Variants in TMEM131L observed in about 807,000 individuals in gnomAD.
The protein encoded by TMEM131L is transmembrane 131 like.
TMEM131L carries 54 observed loss-of-function variants against 192.2 expected under a neutral mutation model. The ratio of observed to expected loss-of-function variants is 0.28; its 90% CI spans 0.23 to 0.35. The LOEUF is 0.35. Among genes scored for constraint, TMEM131L ranks in the 10% least tolerant of loss-of-function variants. The pLI, the probability that TMEM131L is intolerant of heterozygous loss-of-function variation, is 1.00. For missense variants in TMEM131L, 1,888 were observed against 1,972.9 expected (o/e 0.96, Z 0.82); for synonymous variants, 701 against 704.9 (o/e 0.99, Z 0.09).
intron 6 of TMEM131L, among the ~76,000 whole-genome samples, 195 bp downstream of exon 6, chr4:153,557,277 A>G (rs1728534876): frequency 6.6e-6 from 1 of 152,188 alleles, no homozygotes; most frequent in South Asian, 2.1e-4. Flanking sequence ...TGGCTTTCCT[A>G]CTGATGACGG....
At chr4:153,545,842 A>G in intron 3 of TMEM131L, among the ~76,000 whole-genome samples, 1 of 152,136 alleles carries the variant, frequency 6.6e-6, no homozygotes. Context: ...GAGCTCAGAC[A>G]CTGCAGATGG....
chr4:153,480,676 TAAAAAAATTAAA>T (rs1164054759), intron 3 of TMEM131L, among the ~76,000 whole-genome samples: 1 of 152,168 alleles, frequency 6.6e-6, no homozygotes, highest in Non-Finnish European at 1.5e-5. Context: ...CTGTTGGCTT[TAAAAAAATTAAA>T]AGAAAAATTT....
chr4:153,471,577 T>C (rs905678864), intron 2 of TMEM131L, among the ~76,000 whole-genome samples: 3 of 152,222 alleles, frequency 2.0e-5, no homozygotes, highest in Non-Finnish European at 4.4e-5. Flanking sequence ...AAATCAGTTC[T>C]AGCTGCAAGA....
chr4:153,477,986 C>T (rs1371574636), intron 3 of TMEM131L, among the ~76,000 whole-genome samples: 1 of 152,170 alleles, frequency 6.6e-6, no homozygotes, highest in East Asian at 1.9e-4. Context: ...CCTATCCCTG[C>T]CTGGATTCAT....
chr4:153,486,221 G>C (rs1333643297), intron 3 of TMEM131L, among the ~76,000 whole-genome samples: 1 of 152,154 alleles, frequency 6.6e-6, no homozygotes, highest in East Asian at 1.9e-4. Context: ...TTTACTGTAT[G>C]CTAGATAACT....
chr4:153,602,465 A>G, intron 22 of TMEM131L, 77 bp from the exon 23 acceptor site: 1 of 1,524,112 alleles, frequency 6.6e-7, no homozygotes. Context: ...TAGGAGTATG[A>G]TGTGTTGTCA....
intron 3 of TMEM131L, among the ~76,000 whole-genome samples, chr4:153,477,891 A>G (rs1213445372): frequency 6.6e-6 from 1 of 152,328 alleles, no homozygotes; most frequent in East Asian, 1.9e-4. Context: ...TCAGAGTTGT[A>G]TAACTGTTAC....
rs188769697 is a variant in TMEM131L at position 153,535,821 on chromosome 4, A to G, written c.240-14252A>G. Among the ~76,000 whole-genome samples, 436 of 152,122 alleles carry G rather than the reference A, an allele frequency of 2.9e-3. 4 individuals carry two copies. The highest frequency in any genetic ancestry group is 1.0e-2 in the African/African-American group (413 of 41,494). On this transcript the variant is annotated intron_variant, in intron 3 of 34. Transcript: ENST00000409959. ...CTAACGTTGCTGTTAATATTTTGGT[A>G]TTTGCCTTCTCATTTTCCTTTGTAT...
intron 33 of TMEM131L, 60 bp from the exon 34 acceptor site, chr4:153,635,372 T>C: frequency 1.3e-6 from 2 of 1,550,156 alleles, no homozygotes; most frequent in East Asian, 2.3e-5. Context: ...TGCCTGAGAG[T>C]GAGAATTCAG....
intron 3 of TMEM131L, among the ~76,000 whole-genome samples, chr4:153,509,879 C>T (rs976211762): frequency 3.9e-5 from 6 of 152,130 alleles, no homozygotes; most frequent in African/African-American, 1.2e-4. Context: ...AGTTGGAAAT[C>T]GCTGCGTCGG....
Position 153,557,073 on chromosome 4 carries a change from T to G in TMEM131L, c.540T>G (p.Leu180=), listed in dbSNP as rs777461528. Reference sequence around the variant, plus strand: ...TTAATACCTCTTCGTATGGAGTCCTTTCCTATCATGTGAGTAACTTTTTCC... The same window carrying G: ...TTAATACCTCTTCGTATGGAGTCCTGTCCTATCATGTGAGTAACTTTTTCC... ...LFINTSSYGV[L]SYHVSGIGTR... Residue 180 remains leucine (L), a synonymous_variant, in exon 6 of 35, where the codon CTT becomes CTG. Coordinates refer to ENST00000409959, the MANE Select transcript of TMEM131L (RefSeq NM_001131007.2). The G allele has an allele frequency of 7.0e-7, 1 of 1,424,252 alleles. No homozygotes were observed. Among genetic ancestry groups the G allele is most frequent in the African/African-American group, 1.4e-5 (1 of 69,808 alleles). 88.2% of individuals were successfully genotyped at this position (1,424,252 alleles called of 1,614,324 possible). A position where few individuals can be genotyped will look rare whatever the true frequency, so the allele number is the denominator to read the frequency against.
intron 7 of TMEM131L, among the ~76,000 whole-genome samples, chr4:153,568,331 G>A (rs533346739): frequency 1.3e-5 from 2 of 152,252 alleles, no homozygotes; most frequent in South Asian, 4.1e-4. Context: ...TTCACGCTCC[G>A]TCTTCCTCCT....
intron 7 of TMEM131L, among the ~76,000 whole-genome samples, chr4:153,562,191 C>A (rs1269711807): frequency 2.0e-5 from 3 of 152,032 alleles, no homozygotes; most frequent in African/African-American, 7.2e-5. Context: ...GCATGCACCA[C>A]CAAGCCCAGC....
intron 3 of TMEM131L, among the ~76,000 whole-genome samples, chr4:153,536,267 C>T (rs907091789): frequency 3.9e-5 from 6 of 152,148 alleles, no homozygotes; most frequent in Admixed American, 1.3e-4. Context: ...TGAGGGACCA[C>T]GCAGGGCCAT....
chr4:153,623,163 A>G (rs1334145311), intron 29 of TMEM131L, 80 bp downstream of exon 29: 2 of 1,324,452 alleles, frequency 1.5e-6, no homozygotes, highest in East Asian at 4.9e-5. Context: ...CACAGTCTCG[A>G]TCTGCCTTCA....
At chr4:153,615,603 A>G (rs981669137) in intron 26 of TMEM131L, among the ~76,000 whole-genome samples, 2 of 152,208 alleles carry the variant, frequency 1.3e-5, no homozygotes, top group African/African-American at 4.8e-5. Flanking sequence ...TAGTCATTGA[A>G]TTTGGGATAG....
At position 153,596,250 on chromosome 4, in the gene TMEM131L, A is replaced by T. The variant is rs1561226468; in HGVS notation, c.1996-8A>T. The T allele has an allele frequency of 5.6e-6, 9 of 1,613,260 alleles. No homozygotes were observed. In the South Asian group the frequency reaches 9.9e-5, roughly 18 times the overall value. On this transcript the variant is annotated splice_polypyrimidine_tract_variant and splice_region_variant and intron_variant, in intron 19 of 34. Coordinates refer to ENST00000409959, the MANE Select transcript of TMEM131L (RefSeq NM_001131007.2). ...GAGTATGACATGGTTTAATTTGTTAATTTGCAGGGTACGCATTCTGAGGAA... is the reference window on the plus strand; with the variant it reads ...GAGTATGACATGGTTTAATTTGTTATTTTGCAGGGTACGCATTCTGAGGAA...
At chr4:153,613,484 A>C (rs187941689) in intron 26 of TMEM131L, among the ~76,000 whole-genome samples, 3 of 152,370 alleles carry the variant, frequency 2.0e-5, no homozygotes, top group Non-Finnish European at 4.4e-5. Flanking sequence ...AAAGGGTGAT[A>C]ACTTAAGAAA....
intron 29 of TMEM131L, among the ~76,000 whole-genome samples, chr4:153,625,693 A>AG (rs1316722681): frequency 1.3e-5 from 2 of 152,154 alleles, no homozygotes; most frequent in African/African-American, 4.8e-5. Context: ...GGATCACCTG[A>AG]GGTCAGGAGT....
Sources: allele counts gnomAD v4.1 joint callset (sites outside exome capture counted in the v4.1 genomes callset), GRCh38; gene constraint gnomAD v4.1.1; transcripts MANE v1.5; gene names NCBI Gene and HGNC (gene_info 2026-07-23, HGNC 2026-07-21).